Variants in ARHGAP23 observed in about 807,000 individuals in gnomAD.
ARHGAP23 encodes the protein rho GTPase-activating protein 23.
ARHGAP23 carries 34 observed loss-of-function variants against 136.3 expected under a neutral mutation model. The ratio of observed to expected loss-of-function variants is 0.25; its 90% confidence interval spans 0.19 to 0.33. The LOEUF (loss-of-function observed/expected upper bound fraction) is 0.33, where lower values mean the gene tolerates loss of function less well. Ranked by LOEUF, ARHGAP23 falls within the 10% of genes least tolerant of loss-of-function variation. ARHGAP23 has a pLI of 1.00. For synonymous variants in ARHGAP23, 832 were observed against 920.5 expected (o/e 0.90, Z 1.74); for missense variants, 1,808 against 2,139.0 (o/e 0.85, Z 3.05).
At chr17:38,422,757 C>T (rs1415124901) in intron 1 of ARHGAP23, among the ~76,000 whole-genome samples, 1 of 152,190 alleles carries the variant, frequency 6.6e-6, no homozygotes, top group African/African-American at 2.4e-5. Flanking sequence ...CTTCAGCCTC[C>T]CTCCCCAAGG....
At chr17:38,467,558 T>G (rs2039641077) in intron 7 of ARHGAP23, among the ~76,000 whole-genome samples, 1 of 152,202 alleles carries the variant, frequency 6.6e-6, no homozygotes, top group African/African-American at 2.4e-5. Context: ...CTCATTCATT[T>G]ATCCTTTCAG....
upstream of ARHGAP23, among the ~76,000 whole-genome samples, chr17:38,426,358 T>C (rs2038569277): frequency 6.6e-6 from 1 of 151,652 alleles, no homozygotes; most frequent in African/African-American, 2.4e-5. Context: ...CTGGCCAACA[T>C]GATGAAACCC....
chr17:38,484,562 G>A (rs2040119288), intron 16 of ARHGAP23, among the ~76,000 whole-genome samples: 1 of 152,148 alleles, frequency 6.6e-6, no homozygotes, highest in African/African-American at 2.4e-5. Context: ...TGGGGTGAGG[G>A]CAGACACTTC....
At chr17:38,508,981 C>T (rs1454128409) in intron 23 of ARHGAP23, among the ~76,000 whole-genome samples, 2 of 134,588 alleles carry the variant, frequency 1.5e-5, no homozygotes, top group Admixed American at 9.0e-5. Context: ...ACAGAGAAGG[C>T]AAAGGGGCCA....
intron 23 of ARHGAP23, among the ~76,000 whole-genome samples, chr17:38,509,237 T>C (rs2040701299): frequency 1.3e-5 from 2 of 151,914 alleles, no homozygotes; most frequent in East Asian, 1.9e-4. Flanking sequence ...CGGCATGAAG[T>C]TGCCCAACTT....
chr17:38,430,756 T>A (rs914662428), intron 1 of ARHGAP23, among the ~76,000 whole-genome samples: 4 of 152,152 alleles, frequency 2.6e-5, no homozygotes, highest in Non-Finnish European at 5.9e-5. Context: ...TGAAGTTGGA[T>A]TCCAATGTAG....
At chr17:38,439,490 T>C (rs1028731550) in intron 1 of ARHGAP23, among the ~76,000 whole-genome samples, 1 of 152,192 alleles carries the variant, frequency 6.6e-6, no homozygotes, top group Non-Finnish European at 1.5e-5. Flanking sequence ...AATTGAGTGT[T>C]CCCATAGCAC....
At chr17:38,479,952 T>C (rs561157161) in intron 14 of ARHGAP23, 69 bp downstream of exon 14, 13 of 1,521,110 alleles carry the variant, frequency 8.5e-6, no homozygotes, top group Non-Finnish European at 1.1e-5. Context: ...AGGGCACGCG[T>C]GTGTGTGTTG....
At position 38,479,493 on chromosome 17, in the gene ARHGAP23, G is replaced by A. The variant is rs1206041021; in HGVS notation, c.2494G>A (p.Val832Met). ...CAAGAAGCTTAACGATTATCGCAAA[G>A]TGAGGTGAGGCCCAGCCCTCGTGGA... ...ISKKLNDYRK[V>M]SHSSGPKADS... The change falls in exon 13 of 24, where the codon GTG becomes ATG. Residue 832 changes from valine (V) to methionine (M), a missense_variant. By Grantham distance (21) the Val-to-Met change is conservative. Transcript: ENST00000622683. 4 of 1,548,174 alleles carry A rather than the reference G, an allele frequency of 2.6e-6. No homozygotes were observed. The Admixed American group carries it at 5.9e-5, about 23-fold the overall frequency.
chr17:38,480,677 G>A (rs1157454074), intron 14 of ARHGAP23, among the ~76,000 whole-genome samples: 4 of 150,944 alleles, frequency 2.6e-5, no homozygotes, highest in Admixed American at 6.6e-5. Flanking sequence ...GGTGGTGTGC[G>A]CCTGTAATCC....
chr17:38,486,437 G>T (rs1393271796), intron 17 of ARHGAP23, among the ~76,000 whole-genome samples: 1 of 150,764 alleles, frequency 6.6e-6, no homozygotes, highest in Admixed American at 6.6e-5. Context: ...TTCTCACTAT[G>T]TTGCTCAGAC....
chr17:38,449,576 G>C (rs2039112656), intron 1 of ARHGAP23, among the ~76,000 whole-genome samples: 1 of 152,224 alleles, frequency 6.6e-6, no homozygotes, highest in Non-Finnish European at 1.5e-5. Context: ...GGAGACTGGA[G>C]CAGGGTTCAG....
rs971226737 is a variant in ARHGAP23, at chr17:38,510,597, G to C, written c.4101G>C (p.Ser1367=). The C allele has an allele frequency of 3.7e-4, 478 of 1,279,956 alleles. No individual in the cohort carries two copies. Among genetic ancestry groups the C allele is most frequent in the Admixed American group, 6.2e-4 (16 of 25,818 alleles). 79.3% of individuals were successfully genotyped at this position (1,279,956 alleles called of 1,614,324 possible). The part of the protein sequence containing the change: ...PPAAALASRP[S]RMEALRLRLR... Reference sequence around the variant, plus strand: ...CGGCGGCGCTGGCCTCCCGGCCCTCGCGCATGGAGGCGCTGCGTCTAAGGC... The same window carrying C: ...CGGCGGCGCTGGCCTCCCGGCCCTCCCGCATGGAGGCGCTGCGTCTAAGGC... Residue 1367 remains serine (S), a synonymous_variant, in exon 24 of 24, where the codon TCG becomes TCC. Coordinates refer to ENST00000622683, the MANE Select transcript of ARHGAP23 (RefSeq NM_001199417.2). This position sits in a 1 kb window ranked among gnomAD's most constrained non-coding sequence, Gnocchi z 4.6.
intron 6 of ARHGAP23, among the ~76,000 whole-genome samples, chr17:38,464,239 C>T (rs931272685): frequency 1.3e-5 from 2 of 152,188 alleles, no homozygotes; most frequent in Non-Finnish European, 2.9e-5. Flanking sequence ...ACACAGAGAG[C>T]GTGGCCCAGA....
upstream of ARHGAP23, among the ~76,000 whole-genome samples, chr17:38,424,398 C>T (rs2038549969): frequency 1.3e-5 from 2 of 152,106 alleles, no homozygotes; most frequent in African/African-American, 4.8e-5. Flanking sequence ...GCAGATTCGA[C>T]TCCCTCCTCC....
At chr17:38,452,999 T>C (rs2039214239) in intron 1 of ARHGAP23, among the ~76,000 whole-genome samples, 1 of 152,174 alleles carries the variant, frequency 6.6e-6, no homozygotes, top group African/African-American at 2.4e-5. Flanking sequence ...TGTCACTCTG[T>C]GCAGGGCAGT....
At position 38,466,899 on chromosome 17, in the gene ARHGAP23, T is replaced by G. The variant is rs1225738387; in HGVS notation, c.1216T>G (p.Ser406Ala). 3.9e-6 allele frequency: 6 copies of G among 1,550,190 alleles called. No individual in the cohort carries two copies. The highest frequency in any genetic ancestry group is 5.2e-6 in the Non-Finnish European group (6 of 1,146,916). The change falls in exon 7 of 24, where the codon TCT (serine) becomes GCT (alanine). Residue 406 changes from serine to alanine, a missense_variant. Ser to Ala is a moderately conservative substitution (Grantham distance 99, BLOSUM62 1). Transcript: ENST00000622683. ...GCCAGGGCCCCAGGCCCCACCCCCG[T>G]CTGGCCTGCAGGGCCTGGATGACCT... ...DLPGPQAPPP[S>A]GLQGLDDLGY...
intron 23 of ARHGAP23, among the ~76,000 whole-genome samples, chr17:38,502,655 C>G (rs749494213): frequency 6.6e-6 from 1 of 152,136 alleles, no homozygotes; most frequent in Non-Finnish European, 1.5e-5. Flanking sequence ...GAGGGAAAAG[C>G]GCATACGTAG....
chr17:38,499,550 G>C (rs190117047), intron 22 of ARHGAP23, among the ~76,000 whole-genome samples: 12 of 152,114 alleles, frequency 7.9e-5, no homozygotes, highest in African/African-American at 2.9e-4. Context: ...ATTTCTGTTC[G>C]TCTCTGACAG....
Sources: allele counts gnomAD v4.1 joint callset (sites outside exome capture counted in the v4.1 genomes callset), GRCh38; gene constraint gnomAD v4.1.1; non-coding constraint Gnocchi (gnomAD v3.1); transcripts MANE v1.5; gene names NCBI Gene and HGNC (gene_info 2026-07-23, HGNC 2026-07-21).